COL4A1: variants seen among roughly 807,000 people sequenced by gnomAD.
COL4A1 encodes collagen alpha-1(IV) chain.
A neutral mutation model predicts 216.6 loss-of-function variants in COL4A1; 40 were observed. The observed-to-expected ratio is 0.18, with a 90% CI of 0.14 to 0.24. COL4A1 has a LOEUF of 0.24. Ranked by LOEUF, COL4A1 falls within the 10% of genes least tolerant of loss-of-function variation. The pLI, the probability that COL4A1 is intolerant of heterozygous loss-of-function variation, is 1.00. For missense variants in COL4A1, 1,628 were observed against 2,196.8 expected (o/e 0.74, Z 5.18); for synonymous variants, 839 against 810.7 (o/e 1.03, Z -0.59).
chr13:110,219,648 AT>A (rs1320778341), intron 2 of COL4A1, among the ~76,000 whole-genome samples: 5 of 105,292 alleles, frequency 4.7e-5, no homozygotes, highest in Non-Finnish European at 9.5e-5. Flanking sequence ...TAAGTTGAAA[AT>A]ATATATATAT....
At chr13:110,180,697 T>A (rs571683752) in intron 29 of COL4A1, among the ~76,000 whole-genome samples, 17 of 152,358 alleles carry the variant, frequency 1.1e-4, no homozygotes, top group African/African-American at 4.1e-4. Flanking sequence ...GCAAGGAGAA[T>A]CCTGACTTCA....
chr13:110,263,119 GA>G (rs1882893843), intron 1 of COL4A1, among the ~76,000 whole-genome samples: 1 of 152,146 alleles, frequency 6.6e-6, no homozygotes, highest in Non-Finnish European at 1.5e-5. Context: ...AGCAGTCAAG[GA>G]ACTCAAAGCC....
intron 2 of COL4A1, among the ~76,000 whole-genome samples, chr13:110,242,210 C>T (rs1881599068): frequency 6.6e-6 from 1 of 152,292 alleles, no homozygotes; most frequent in South Asian, 2.1e-4. Context: ...ATTTGGGAAA[C>T]ACTAAGTTTC....
At chr13:110,247,765 G>A (rs1412623984) in intron 1 of COL4A1, among the ~76,000 whole-genome samples, 1 of 135,232 alleles carries the variant, frequency 7.4e-6, no homozygotes, top group African/African-American at 2.8e-5. Flanking sequence ...TAACTGAACC[G>A]AAGAATACCA....
intron 42 of COL4A1, 100 bp downstream of exon 42, chr13:110,170,446 TA>T: frequency 7.6e-7 from 1 of 1,322,396 alleles, no homozygotes; most frequent in Non-Finnish European, 1.0e-6. Flanking sequence ...GACTTCTAAA[TA>T]AAAAAGCCCA....
At chr13:110,163,612 C>T in intron 46 of COL4A1, 51 bp from the exon 47 acceptor site, 1 of 1,487,974 alleles carries the variant, frequency 6.7e-7, no homozygotes, top group Admixed American at 1.8e-5. Context: ...TAAGCTGTAT[C>T]TCTTTCTTCC....
chr13:110,240,970 A>G (rs1320852365), intron 2 of COL4A1, among the ~76,000 whole-genome samples: 1 of 152,138 alleles, frequency 6.6e-6, no homozygotes, highest in Non-Finnish European at 1.5e-5. Flanking sequence ...CCTGGGTTCA[A>G]GCAATTCTCC....
At chr13:110,162,174 C>A in intron 48 of COL4A1, 56 bp downstream of exon 48, 1 of 1,498,984 alleles carries the variant, frequency 6.7e-7, no homozygotes, top group East Asian at 2.3e-5. Flanking sequence ...CACTGCACAC[C>A]GAAGGCACTC....
At chr13:110,252,185 G>A (rs1329325604) in intron 1 of COL4A1, among the ~76,000 whole-genome samples, 1 of 151,814 alleles carries the variant, frequency 6.6e-6, no homozygotes. Context: ...CACCATGCCT[G>A]GCTGATTTTT....
intron 15 of COL4A1, 50 bp downstream of exon 15, chr13:110,206,615 G>A (rs201729480): frequency 1.2e-5 from 19 of 1,588,790 alleles, no homozygotes; most frequent in East Asian, 2.2e-5. Context: ...GCGATTTTCC[G>A]CATGGAAGGA....
At chr13:110,184,210 A>G (rs1217349680) in intron 26 of COL4A1, among the ~76,000 whole-genome samples, 1 of 152,214 alleles carries the variant, frequency 6.6e-6, no homozygotes, top group African/African-American at 2.4e-5. Context: ...GAGAGGATCA[A>G]CAGCCCTGTT....
chr13:110,302,349 G>A (rs755754587), intron 1 of COL4A1, among the ~76,000 whole-genome samples: 1 of 150,970 alleles, frequency 6.6e-6, no homozygotes, highest in Admixed American at 6.6e-5. Context: ...AAGGGGAGGC[G>A]TCGCGTGGAA....
chr13:110,173,676 G>A (rs1284425260), intron 40 of COL4A1, among the ~76,000 whole-genome samples: 1 of 152,084 alleles, frequency 6.6e-6, no homozygotes, highest in Non-Finnish European at 1.5e-5. Flanking sequence ...TATTTCAGGG[G>A]AAGATGCCCT....
In COL4A1 at chr13:110,163,519, G is replaced by C; in HGVS notation, c.4193C>G (p.Pro1398Arg). The change falls in exon 47 of 52, where the codon CCT (proline) becomes CGT (arginine). Residue 1398 changes from proline (P) to arginine (R), a missense_variant. By Grantham distance (103) the Pro-to-Arg change is moderately radical (BLOSUM62 -2). Transcript: ENST00000375820. ...CTGGCCAGGGGCACCGTCAAACCCA[G>C]GAATACCTGGAGGTCCAGGTATACC... is the stretch of plus-strand genomic sequence containing the variant. The part of the protein sequence containing the change: ...LVGIPGPPGI[P>R]GFDGAPGQKG... 5 of 1,614,116 alleles carry C rather than the reference G, an allele frequency of 3.1e-6. No homozygotes were observed. Among genetic ancestry groups the C allele is most frequent in the South Asian group, 1.1e-5 (1 of 91,070 alleles).
intron 15 of COL4A1, among the ~76,000 whole-genome samples, 195 bp downstream of exon 15, chr13:110,206,470 G>T (rs1273623258): frequency 1.2e-4 from 18 of 152,220 alleles, no homozygotes; most frequent in Non-Finnish European, 2.9e-5. Flanking sequence ...CCTTAAACAG[G>T]GAAGGACCTC....
intron 1 of COL4A1, among the ~76,000 whole-genome samples, chr13:110,280,232 G>A (rs181451375): frequency 3.2e-4 from 48 of 152,250 alleles, no homozygotes; most frequent in Non-Finnish European, 4.9e-4. Flanking sequence ...AGCCACTGAC[G>A]GTCCTTAGTT....
Position 110,192,299 on chromosome 13 carries a change from A to C in COL4A1, c.1466-15T>G, listed in dbSNP as rs1251510708. ...CCCTGGGAAACCTTTCGTGAGAGAG[A>C]GGGAAAAAGACAGCAACACAGCATT... On this transcript the variant is annotated splice_polypyrimidine_tract_variant and intron_variant, in intron 23 of 51. Coordinates refer to ENST00000375820, the MANE Select transcript of COL4A1 (RefSeq NM_001845.6). 6.2e-7 allele frequency: 1 copy of C among 1,613,478 alleles called. No individual in the cohort carries two copies. Among genetic ancestry groups the C allele is most frequent in the Admixed American group, 1.7e-5 (1 of 60,020 alleles).
chr13:110,294,304 C>T (rs1884189232), intron 1 of COL4A1, among the ~76,000 whole-genome samples: 1 of 152,212 alleles, frequency 6.6e-6, no homozygotes, highest in African/African-American at 2.4e-5. Flanking sequence ...CAAAGAGCAA[C>T]ACAATTTTAA....
rs761747558 is a variant in COL4A1 at position 110,176,772 on chromosome 13, C to A, written c.2870-48G>T. ...GCAATGACCCGCATTTGCTTGCAAG[C>A]AAGTTGCTGCAGAAACGCAGGTTGG... On this transcript the variant is annotated intron_variant, in intron 34 of 51. Transcript: ENST00000375820. The A allele has an allele frequency of 2.5e-6, 4 of 1,613,718 alleles. No homozygotes were observed. In the East Asian group the frequency reaches 8.9e-5, roughly 36 times the overall value.
Sources: allele counts gnomAD v4.1 joint callset (sites outside exome capture counted in the v4.1 genomes callset), GRCh38; gene constraint gnomAD v4.1.1; transcripts MANE v1.5; gene names NCBI Gene and HGNC (gene_info 2026-07-23, HGNC 2026-07-21).